The following TMEM178B variants were observed in gnomAD, a reference collection of about 807,000 sequenced individuals.
TMEM178B encodes transmembrane protein 178B.
In TMEM178B, 5 loss-of-function variants were observed where a neutral mutation model predicts 31.0. The ratio of observed to expected loss-of-function variants is 0.16; its 90% CI spans 0.08 to 0.34. TMEM178B has a LOEUF of 0.34. TMEM178B is among the 10% of genes least tolerant of loss of function. TMEM178B has a pLI of 1.00. For synonymous variants in TMEM178B, 164 were observed against 164.0 expected (o/e 1.00, Z 0.00); for missense variants, 275 against 400.3 (o/e 0.69, Z 2.67).
chr7:141,120,179 A>G (rs116889803), intron 1 of TMEM178B, among the ~76,000 whole-genome samples: 1 of 152,146 alleles, frequency 6.6e-6, no homozygotes, highest in Admixed American at 6.5e-5. Context: ...TGGAGTCTCA[A>G]CTCTTCCCTT....
chr7:141,478,887 A>G lies in TMEM178B; in HGVS notation c.*8101A>G, dbSNP rs1041787412. On this transcript the variant is annotated 3_prime_UTR_variant, in exon 4 of 4. Coordinates refer to ENST00000565468, the MANE Select transcript of TMEM178B (RefSeq NM_001195278.2). ...GTCACTCACTGCCATAGCTCTTGTC[A>G]TAGCTGATGAAGGCAGGAGTGAGTC... The G allele has an allele frequency of 1.3e-5, 2 of 152,270 alleles. No individual in the cohort carries two copies. The highest frequency in any genetic ancestry group is 2.9e-5 in the Non-Finnish European group (2 of 68,144). 9.4% of individuals were successfully genotyped at this position (152,270 alleles called of 1,614,324 possible).
At chr7:141,504,802 T>C in the TMEM178B span, among the ~76,000 whole-genome samples, 1 of 152,234 alleles carries the variant, frequency 6.6e-6, no homozygotes, top group Admixed American at 6.5e-5. Flanking sequence ...GGGTAGTGTA[T>C]ATTGTACCCA....
rs995671671 is a variant in TMEM178B at position 141,476,190 on chromosome 7, G to A, written c.*5404G>A. 1.9e-4 allele frequency: 29 copies of A among 152,258 alleles called. No homozygotes were observed. The highest frequency in any genetic ancestry group is 7.0e-4 in the African/African-American group (29 of 41,556). 9.4% of individuals were successfully genotyped at this position (152,258 alleles called of 1,614,324 possible). ...AAGGTCATCTTTGTTGCTGAACAGGGCTGGACCTGTCGCACTTAAGCACAC... is the reference window on the plus strand; with the variant it reads ...AAGGTCATCTTTGTTGCTGAACAGGACTGGACCTGTCGCACTTAAGCACAC... On this transcript the variant is annotated 3_prime_UTR_variant, in exon 4 of 4. Transcript: ENST00000565468.
At chr7:141,430,372 A>G (rs1334452881) in intron 2 of TMEM178B, among the ~76,000 whole-genome samples, 5 of 152,236 alleles carry the variant, frequency 3.3e-5, no homozygotes, top group Admixed American at 2.0e-4. Flanking sequence ...TTCTATTTCT[A>G]TTTACACTTA....
intron 1 of TMEM178B, among the ~76,000 whole-genome samples, chr7:141,191,279 T>C (rs1006180168): frequency 6.6e-6 from 1 of 152,238 alleles, no homozygotes. Flanking sequence ...GATGGAAATT[T>C]AGGTTGCTCT....
chr7:141,461,811 G>A lies in TMEM178B; in HGVS notation c.635-8725G>A, dbSNP rs555437168. Among the ~76,000 whole-genome samples the A allele has an allele frequency of 6.6e-6, 1 of 152,304 alleles. No individual in the cohort carries two copies. The highest frequency in any genetic ancestry group is 2.4e-5 in the African/African-American group (1 of 41,562). ...CTCAGAGTGAGCTGAGCAGGGAGTT[G>A]GCTCCGTAACTCTGCATATCAACTC... On this transcript the variant is annotated intron_variant, in intron 3 of 3. Transcript: ENST00000565468. The surrounding 1 kb of genome is among the most constrained non-coding windows in gnomAD (Gnocchi z 4.0).
chr7:141,285,998 G>A (rs544323832), intron 2 of TMEM178B, among the ~76,000 whole-genome samples: 102 of 152,160 alleles, frequency 6.7e-4, no homozygotes, highest in African/African-American at 2.4e-3. Context: ...TGTAGATGAC[G>A]GGTTGATGGG....
downstream of TMEM178B, among the ~76,000 whole-genome samples, chr7:141,483,775 G>A (rs548582890): frequency 4.8e-5 from 7 of 145,014 alleles, no homozygotes; most frequent in Non-Finnish European, 7.5e-5. Context: ...TCACTCTGTC[G>A]CCCAGGCTGG....
intron 2 of TMEM178B, among the ~76,000 whole-genome samples, chr7:141,275,302 A>T (rs1383419987): frequency 6.6e-6 from 1 of 152,206 alleles, no homozygotes; most frequent in African/African-American, 2.4e-5. Context: ...ACCTCTCCTA[A>T]GAAAAGACAA....
chr7:141,365,186 C>T (rs1037388602), intron 2 of TMEM178B, among the ~76,000 whole-genome samples: 1 of 152,202 alleles, frequency 6.6e-6, no homozygotes, highest in South Asian at 2.1e-4. Flanking sequence ...TGAGAATGCT[C>T]CCTCTTTCCA....
At chr7:141,086,650 T>G (rs924526700) in intron 1 of TMEM178B, among the ~76,000 whole-genome samples, 1 of 152,112 alleles carries the variant, frequency 6.6e-6, no homozygotes, top group Non-Finnish European at 1.5e-5. Context: ...GGGAAAGAAA[T>G]GGAATTGGAA....
Position 141,473,753 on chromosome 7 carries a change from G to A in TMEM178B, c.*2967G>A, listed in dbSNP as rs1173969517. On this transcript the variant is annotated 3_prime_UTR_variant, in exon 4 of 4. Coordinates refer to ENST00000565468, the MANE Select transcript of TMEM178B (RefSeq NM_001195278.2). ...CACACTTTGGGATCTGATCCTGCTG[G>A]GAAGCAAAAGACGCCCAGCCACATG... 1 of 152,200 alleles carries A rather than the reference G, an allele frequency of 6.6e-6. No homozygotes were observed. Among genetic ancestry groups the A allele is most frequent in the African/African-American group, 2.4e-5 (1 of 41,448 alleles). The allele number at this position is 152,200 out of a possible 1,614,324, so 9.4% of individuals were successfully genotyped here.
intron 3 of TMEM178B, among the ~76,000 whole-genome samples, chr7:141,438,052 G>A (rs76804942): frequency 0.028 from 4,240 of 152,264 alleles, 68 homozygotes; most frequent in Middle Eastern, 0.075. Context: ...GGAGATATCA[G>A]ACCTGGAACA....
chr7:141,256,261 G>A (rs981630643), intron 2 of TMEM178B, among the ~76,000 whole-genome samples: 1 of 152,096 alleles, frequency 6.6e-6, no homozygotes, highest in South Asian at 2.1e-4. Flanking sequence ...TTAAAAGAAG[G>A]GATAGGGCTA....
Position 141,477,136 on chromosome 7 carries a change from C to T in TMEM178B, c.*6350C>T, listed in dbSNP as rs922808565. On this transcript the variant is annotated 3_prime_UTR_variant, in exon 4 of 4. Coordinates refer to ENST00000565468, the MANE Select transcript of TMEM178B (RefSeq NM_001195278.2). ...ACCCATAGACCCTCTCCGTCTGTACCAGTGCGTCTGTGTTGTGAGCGTGAC... is the reference window on the plus strand; with the variant it reads ...ACCCATAGACCCTCTCCGTCTGTACTAGTGCGTCTGTGTTGTGAGCGTGAC... 6 of 154,852 alleles carry T rather than the reference C, an allele frequency of 3.9e-5. No homozygotes were observed. Among genetic ancestry groups the T allele is most frequent in the African/African-American group, 1.4e-4 (6 of 41,518 alleles). 9.6% of individuals were successfully genotyped at this position (154,852 alleles called of 1,614,324 possible). A position where few individuals can be genotyped will look rare whatever the true frequency, so the allele number is the denominator to read the frequency against.
rs902611829 is a variant in TMEM178B at position 141,473,534 on chromosome 7, G to C, written c.*2748G>C. 6.6e-6 allele frequency: 1 copy of C among 152,096 alleles called. No homozygotes were observed. The highest frequency in any genetic ancestry group is 1.5e-5 in the Non-Finnish European group (1 of 68,018). 9.4% of individuals were successfully genotyped at this position (152,096 alleles called of 1,614,324 possible). On this transcript the variant is annotated 3_prime_UTR_variant, in exon 4 of 4. Transcript: ENST00000565468. ...AAAAATCCCATACTTTCAATGAATA[G>C]ATTATCTGCTCTATCCAATTATTGT...
At chr7:141,266,757 C>T (rs1183632525) in intron 2 of TMEM178B, among the ~76,000 whole-genome samples, 1 of 152,210 alleles carries the variant, frequency 6.6e-6, no homozygotes, top group African/African-American at 2.4e-5. Flanking sequence ...ATTTACAGGA[C>T]ATTTTTCAGA....
At chr7:141,200,281 G>A (rs1796854458) in intron 1 of TMEM178B, among the ~76,000 whole-genome samples, 2 of 152,054 alleles carry the variant, frequency 1.3e-5, no homozygotes. Context: ...GGGGAGACAG[G>A]ATGGCTTAAG....
Position 141,473,496 on chromosome 7 carries a change from C to G in TMEM178B, c.*2710C>G, listed in dbSNP as rs752051717. On this transcript the variant is annotated 3_prime_UTR_variant, in exon 4 of 4. Coordinates refer to ENST00000565468, the MANE Select transcript of TMEM178B (RefSeq NM_001195278.2). ...CTCACAGACCTATCATTATTTATATCCTCTTTTTAAAAAAAAATCCCATAC... is the reference window on the plus strand; with the variant it reads ...CTCACAGACCTATCATTATTTATATGCTCTTTTTAAAAAAAAATCCCATAC... 2 of 152,116 alleles carry G rather than the reference C, an allele frequency of 1.3e-5. No homozygotes were observed. The highest frequency in any genetic ancestry group is 6.5e-5 in the Admixed American group (1 of 15,278). The allele number at this position is 152,116 out of a possible 1,614,324, so 9.4% of individuals were successfully genotyped here. A position where few individuals can be genotyped will look rare whatever the true frequency, so the allele number is the denominator to read the frequency against.
Sources: allele counts gnomAD v4.1 joint callset (sites outside exome capture counted in the v4.1 genomes callset), GRCh38; gene constraint gnomAD v4.1.1; non-coding constraint Gnocchi (gnomAD v3.1); transcripts MANE v1.5; gene names NCBI Gene and HGNC (gene_info 2026-07-23, HGNC 2026-07-21).